ATG7: variants seen among roughly 807,000 people sequenced by gnomAD.
ATG7 encodes the protein autophagy related 7, also known as ubiquitin-like modifier-activating enzyme ATG7.
ATG7 carries 70 observed loss-of-function variants against 82.4 expected under a neutral mutation model. The observed-to-expected ratio is 0.85, with a 90% confidence interval of 0.70 to 1.04. The LOEUF (loss-of-function observed/expected upper bound fraction) is 1.04, where lower values mean the gene tolerates loss of function less well. Ranked by LOEUF, ATG7 falls within the 50% of genes least tolerant of loss-of-function variation. The pLI, the probability that ATG7 is intolerant of heterozygous loss-of-function variation, is 0.00. For missense variants in ATG7, 792 were observed against 864.3 expected, an observed-to-expected ratio of 0.92 and a Z score of 1.05; for synonymous variants, 287 against 313.0, an observed-to-expected ratio of 0.92 and a Z score of 0.88.
chr3:11,441,061 A>G (rs1482252340), intron 20 of ATG7, among the ~76,000 whole-genome samples: 1 of 152,142 alleles, frequency 6.6e-6, no homozygotes, highest in Non-Finnish European at 1.5e-5. Context: ...TTGTTGCAGG[A>G]CAAAGTTGTT....
intron 14 of ATG7, 127 bp from the exon 15 acceptor site, chr3:11,358,291 T>A: frequency 1.1e-6 from 1 of 916,516 alleles, no homozygotes; most frequent in East Asian, 2.4e-5. Context: ...GGGTGCAGCA[T>A]AATAGTGCAC....
At chr3:11,566,254 G>C in the ATG7 span, among the ~76,000 whole-genome samples, 1 of 152,116 alleles carries the variant, frequency 6.6e-6, no homozygotes, top group Admixed American at 6.5e-5. Flanking sequence ...CATGTGATAG[G>C]CGTACCTTTC....
intron 20 of ATG7, among the ~76,000 whole-genome samples, chr3:11,474,747 C>G (rs113978429): frequency 6.6e-6 from 1 of 152,116 alleles, no homozygotes; most frequent in Non-Finnish European, 1.5e-5. Flanking sequence ...GAGCTGAGCC[C>G]GGAATGCAAA....
intron 19 of ATG7, among the ~76,000 whole-genome samples, chr3:11,415,539 A>G (rs1363238400): frequency 6.6e-6 from 1 of 152,094 alleles, no homozygotes; most frequent in Non-Finnish European, 1.5e-5. Flanking sequence ...TATCCTATAC[A>G]TTTTTTCCTT....
chr3:11,456,295 T>C (rs1284593389), intron 20 of ATG7, among the ~76,000 whole-genome samples: 1 of 152,238 alleles, frequency 6.6e-6, no homozygotes, highest in Non-Finnish European at 1.5e-5. Flanking sequence ...GGTTCATGCA[T>C]GTTGTAGCAT....
chr3:11,524,230 G>A (rs967344915), intron 20 of ATG7, among the ~76,000 whole-genome samples: 1 of 152,190 alleles, frequency 6.6e-6, no homozygotes, highest in Non-Finnish European at 1.5e-5. Context: ...TAGTTAAGCT[G>A]AAGTTGAAAC....
chr3:11,287,449 G>A lies in ATG7; in HGVS notation c.-11+5011G>A, dbSNP rs530421322. On this transcript the variant is annotated intron_variant, in intron 3 of 20. Transcript: ENST00000693202. Reference sequence around the variant, plus strand: ...TTCTAGGCCATGGGGGCCTGAGAGCGGCTGCTAAGGAGCATCAAGTCAGAG... The same window carrying A: ...TTCTAGGCCATGGGGGCCTGAGAGCAGCTGCTAAGGAGCATCAAGTCAGAG... Among the ~76,000 whole-genome samples, 18 of 152,300 alleles carry A rather than the reference G, an allele frequency of 1.2e-4. 1 individual carries two copies. In the South Asian group the frequency reaches 2.7e-3, roughly 23 times the overall value.
chr3:11,543,205 C>G (rs1220650708), intron 20 of ATG7, among the ~76,000 whole-genome samples: 1 of 152,232 alleles, frequency 6.6e-6, no homozygotes, highest in African/African-American at 2.4e-5. Context: ...CGCTTTACAT[C>G]TTACCAGCCG....
chr3:11,501,660 T>C (rs1389930765), intron 20 of ATG7, among the ~76,000 whole-genome samples: 2 of 152,322 alleles, frequency 1.3e-5, no homozygotes, highest in Non-Finnish European at 2.9e-5. Context: ...TATGCTGATA[T>C]ATTCTGAGGT....
intron 3 of ATG7, among the ~76,000 whole-genome samples, chr3:11,283,895 G>A (rs1453340517): frequency 2.6e-5 from 4 of 152,158 alleles, no homozygotes; most frequent in Admixed American, 2.6e-4. Flanking sequence ...TCACGCCATT[G>A]CACTCCAGCC....
chr3:11,412,018 C>T (rs1395180915), intron 19 of ATG7, among the ~76,000 whole-genome samples: 1 of 151,232 alleles, frequency 6.6e-6, no homozygotes, highest in Admixed American at 6.6e-5. Flanking sequence ...CTGTCTAGGT[C>T]CTGCTGCTGC....
At chr3:11,331,883 A>C (rs1562615) in intron 10 of ATG7, among the ~76,000 whole-genome samples, 31,047 of 152,170 alleles carry the variant, frequency 0.2, 3,565 homozygotes, top group South Asian at 0.35. Context: ...CCATAATGAG[A>C]TGCTACTACA....
chr3:11,462,767 G>GT (rs1196136453), intron 20 of ATG7, among the ~76,000 whole-genome samples: 1 of 152,070 alleles, frequency 6.6e-6, no homozygotes, highest in African/African-American at 2.4e-5. Context: ...AGCTAGAAAG[G>GT]TTTTTTAAAA....
At chr3:11,504,959 T>C (rs1305929159) in intron 20 of ATG7, among the ~76,000 whole-genome samples, 1 of 152,146 alleles carries the variant, frequency 6.6e-6, no homozygotes, top group Non-Finnish European at 1.5e-5. Context: ...CAAATCCTCA[T>C]TTACCGAGCA....
chr3:11,293,653 G>A (rs1390452519), intron 3 of ATG7, among the ~76,000 whole-genome samples: 2 of 151,670 alleles, frequency 1.3e-5, no homozygotes, highest in Non-Finnish European at 2.9e-5. Context: ...TTTGAGACTA[G>A]CCTGACCAAT....
At chr3:11,308,725 GC>G (rs1559366193) in intron 6 of ATG7, 1 of 523,512 alleles carries the variant, frequency 1.9e-6, no homozygotes, top group Non-Finnish European at 3.4e-6. Flanking sequence ...TGGCCTGGTT[GC>G]CCCCTCGGTG....
At chr3:11,375,086 G>A (rs1172997974) in intron 18 of ATG7, among the ~76,000 whole-genome samples, 1 of 151,298 alleles carries the variant, frequency 6.6e-6, no homozygotes, top group Admixed American at 6.6e-5. Context: ...GTGGTGGTGT[G>A]TTCCTGTAGT....
rs1370035866 is a variant in ATG7 at position 11,364,676 on chromosome 3, G to A, written c.1817G>A (p.Ser606Asn). 1 of 1,614,084 alleles carries A rather than the reference G, an allele frequency of 6.2e-7. No homozygotes were observed. The highest frequency in any genetic ancestry group is 1.3e-5 in the African/African-American group (1 of 74,936). ...GTCCTCAGGGGCTATGCCATTGCCA[G>A]CAGCAGTGACGATCGGATGAATGAG... The part of the protein sequence containing the change: ...QHPEGGYAIA[S>N]SSDDRMNEPP... Residue 606 changes from serine (S) to asparagine (N), a missense_variant, in exon 18 of 21, where the codon AGC (serine) becomes AAC (asparagine). Ser to Asn is a conservative substitution (Grantham distance 46). Transcript: ENST00000693202.
intron 19 of ATG7, among the ~76,000 whole-genome samples, chr3:11,380,915 T>C (rs1350854797): frequency 6.6e-6 from 1 of 152,236 alleles, no homozygotes; most frequent in Non-Finnish European, 1.5e-5. Flanking sequence ...TGTATTTCTC[T>C]ATTCTGAGTT....
Sources: gnomAD v4.1 joint callset for allele counts (sites outside exome capture counted in the v4.1 genomes callset) on GRCh38, gnomAD v4.1.1 for gene constraint, MANE v1.5 for transcripts, NCBI Gene and HGNC (gene_info 2026-07-23, HGNC 2026-07-21) for gene names.